Variants in ZNF783 observed in about 807,000 individuals in gnomAD.
ZNF783 encodes zinc finger protein 783.
ZNF783 carries 25 observed loss-of-function variants against 31.3 expected under a neutral mutation model. The ratio of observed to expected loss-of-function variants is 0.80; its 90% confidence interval spans 0.58 to 1.11. ZNF783 has a LOEUF of 1.11. Among genes scored for constraint, ZNF783 ranks in the 50% most tolerant of loss-of-function variants. The pLI, the probability that ZNF783 is intolerant of heterozygous loss-of-function variation, is 0.00. For missense variants in ZNF783, 797 were observed against 760.0 expected, an observed-to-expected ratio of 1.05 and a Z score of -0.57; for synonymous variants, 369 against 319.1, an observed-to-expected ratio of 1.16 and a Z score of -1.66.
Position 149,262,339 on chromosome 7 carries a change from CG to C in ZNF783, c.7del (p.Glu3LysfsTer59). 1 of 1,340,490 alleles carries C rather than the reference CG, an allele frequency of 7.5e-7. No homozygotes were observed. Among genetic ancestry groups the C allele is most frequent in the Non-Finnish European group, 9.6e-7 (1 of 1,041,040 alleles). The allele number at this position is 1,340,490 out of a possible 1,614,324, so 83.0% of individuals were successfully genotyped here. On this transcript the variant is annotated frameshift_variant, in exon 1 of 6. Transcript: ENST00000434415. LOFTEE classifies it high-confidence loss of function. ...AGCGAGGGACGCGGGCAGCCATGGC[CG>C]AAGCGGCGCCTGCCCGGGTAAGCGC... MA[E>X]AAPARDPETD...
In ZNF783 at chr7:149,282,284, G is replaced by GC. The variant is rs779073109; in HGVS notation, c.1587dup (p.Ala530ArgfsTer88). On this transcript the variant is annotated frameshift_variant, in exon 6 of 6. Coordinates refer to ENST00000434415, the MANE Select transcript of ZNF783 (RefSeq NM_001195220.2). LOFTEE classifies it low-confidence loss of function (END_TRUNC). ...CCAGGTGGGCCCACACTTCCCTGCC[G>GC]CCCCCGCCCGCCACGGGAGCCTGCC... 6.4e-7 allele frequency: 1 copy of GC among 1,557,602 alleles called. No homozygotes were observed. Among genetic ancestry groups the GC allele is most frequent in the South Asian group, 1.2e-5 (1 of 86,484 alleles).
chr7:149,266,193 C>T, intron 1 of ZNF783, 142 bp from the exon 2 acceptor site: 1 of 980,598 alleles, frequency 1.0e-6, no homozygotes, highest in East Asian at 2.7e-5. Flanking sequence ...TAGCCTCTCC[C>T]TCTCCCCCCC....
At position 149,283,828 on chromosome 7, in the gene ZNF783, T is replaced by C. The variant is rs1797540533; in HGVS notation, c.*1485T>C. Reference sequence around the variant, plus strand: ...ACTGGGACAAATATGAAGCCTAGCTTTGTGCTTCCTTTCAAATTCAGGGCC... The same window carrying C: ...ACTGGGACAAATATGAAGCCTAGCTCTGTGCTTCCTTTCAAATTCAGGGCC... On this transcript the variant is annotated 3_prime_UTR_variant, in exon 6 of 6. Transcript: ENST00000434415. 6.6e-6 allele frequency: 1 copy of C among 152,236 alleles called. No individual in the cohort carries two copies. The highest frequency in any genetic ancestry group is 2.1e-4 in the South Asian group (1 of 4,836). The allele number at this position is 152,236 out of a possible 1,614,324, so 9.4% of individuals were successfully genotyped here. A position where few individuals can be genotyped will look rare whatever the true frequency, so the allele number is the denominator to read the frequency against.
chr7:149,280,957 C>G (rs1287368899), intron 5 of ZNF783, among the ~76,000 whole-genome samples: 1 of 152,246 alleles, frequency 6.6e-6, no homozygotes. Flanking sequence ...TCCTCTCTGT[C>G]ACCAGTGAGT....
chr7:149,264,589 G>A (rs1315800229), intron 1 of ZNF783, among the ~76,000 whole-genome samples: 4 of 152,246 alleles, frequency 2.6e-5, no homozygotes, highest in Admixed American at 6.5e-5. Flanking sequence ...TTACCAGGCC[G>A]GGAGCAGTGG....
intron 1 of ZNF783, among the ~76,000 whole-genome samples, chr7:149,263,315 TATATATA>T (rs1796988060): frequency 1.4e-5 from 2 of 143,536 alleles, no homozygotes; most frequent in African/African-American, 5.2e-5. Flanking sequence ...TATATATATA[TATATATA>T]TATTTTTTTT....
At chr7:149,279,925 C>G (rs937086315) in intron 5 of ZNF783, among the ~76,000 whole-genome samples, 14 of 152,246 alleles carry the variant, frequency 9.2e-5, no homozygotes, top group African/African-American at 2.6e-4. Flanking sequence ...ACCTTTCCCC[C>G]CTTTCTATTC....
Position 149,262,207 on chromosome 7 carries a change from C to T in ZNF783, c.-127C>T, listed in dbSNP as rs1166850564. ...GGGGCACGTGGCTCGGGACGCAGTT[C>T]GCTGCCGCCCGGCAGTAGCTCTCAG... On this transcript the variant is annotated 5_prime_UTR_variant, in exon 1 of 6. Coordinates refer to ENST00000434415, the MANE Select transcript of ZNF783 (RefSeq NM_001195220.2). 2.3e-6 allele frequency: 2 copies of T among 865,834 alleles called. No individual in the cohort carries two copies. Among genetic ancestry groups the T allele is most frequent in the Non-Finnish European group, 3.1e-6 (2 of 649,126 alleles). The allele number at this position is 865,834 out of a possible 1,614,324, so 53.6% of individuals were successfully genotyped here.
intron 4 of ZNF783, among the ~76,000 whole-genome samples, chr7:149,273,375 A>C (rs186142870): frequency 6.6e-6 from 1 of 152,244 alleles, no homozygotes; most frequent in East Asian, 1.9e-4. Flanking sequence ...CCAACAGTGC[A>C]CGAGGGTTCC....
chr7:149,263,302 GTGTATATA>G (rs763896234), intron 1 of ZNF783, among the ~76,000 whole-genome samples: 3,267 of 62,650 alleles, frequency 0.052, 105 homozygotes, highest in African/African-American at 0.14. Context: ...GTGTGTGTGT[GTGTATATA>G]TATATATATA....
At chr7:149,267,072 T>C in intron 3 of ZNF783, 25 bp from the exon 4 acceptor site, 1 of 1,604,180 alleles carries the variant, frequency 6.2e-7, no homozygotes, top group Non-Finnish European at 8.5e-7. Flanking sequence ...GTCCAGCTCT[T>C]CCTCATTTCT....
At chr7:149,272,830 C>G (rs1797238753) in intron 4 of ZNF783, among the ~76,000 whole-genome samples, 1 of 152,096 alleles carries the variant, frequency 6.6e-6, no homozygotes, top group African/African-American at 2.4e-5. Context: ...CATGCTAGAT[C>G]TTATTCATTC....
chr7:149,279,535 A>G (rs1045489106), intron 5 of ZNF783, among the ~76,000 whole-genome samples: 1 of 151,224 alleles, frequency 6.6e-6, no homozygotes, highest in Non-Finnish European at 1.5e-5. Flanking sequence ...ATGGCTGTGC[A>G]CGCTGCAAGC....
At chr7:149,270,318 CAG>C (rs1344417500) in intron 4 of ZNF783, among the ~76,000 whole-genome samples, 1 of 152,138 alleles carries the variant, frequency 6.6e-6, no homozygotes, top group Non-Finnish European at 1.5e-5. Flanking sequence ...TTCGTAAAGA[CAG>C]AGTTTCACTA....
At position 149,262,444 on chromosome 7, in the gene ZNF783, G is replaced by A. The variant is rs1796948206; in HGVS notation, c.24+87G>A. The A allele has an allele frequency of 3.1e-5, 34 of 1,103,836 alleles. No homozygotes were observed. The South Asian group carries it at 1.2e-3, about 39-fold the overall frequency. 68.4% of individuals were successfully genotyped at this position (1,103,836 alleles called of 1,614,324 possible). ...CGAGGGACTCTGGCCGCGCGAGGCC[G>A]CGGGGTGAGAGGGCCTTGCGCGCAG... On this transcript the variant is annotated intron_variant, in intron 1 of 5. Transcript: ENST00000434415.
At chr7:149,276,381 T>C in intron 4 of ZNF783, 1 of 988,508 alleles carries the variant, frequency 1.0e-6, no homozygotes, top group Non-Finnish European at 1.2e-6. Context: ...CTTCAGAGGA[T>C]GATCCACTGA....
At chr7:149,272,712 C>T (rs1482194629) in intron 4 of ZNF783, among the ~76,000 whole-genome samples, 2 of 152,106 alleles carry the variant, frequency 1.3e-5, no homozygotes, top group Non-Finnish European at 2.9e-5. Context: ...ATTCATACCT[C>T]AAGCATTTAT....
intron 4 of ZNF783, among the ~76,000 whole-genome samples, chr7:149,273,049 T>C (rs959534128): frequency 1.3e-5 from 2 of 152,222 alleles, no homozygotes; most frequent in Non-Finnish European, 2.9e-5. Flanking sequence ...TGTCCTCCAG[T>C]TCCACCCATG....
At position 149,282,186 on chromosome 7, in the gene ZNF783, A is replaced by AGTGCC. The variant is rs1216079090; in HGVS notation, c.1485_1489dup (p.Pro497ArgfsTer70). 2 of 1,600,652 alleles carry AGTGCC rather than the reference A, an allele frequency of 1.2e-6. No individual in the cohort carries two copies. The highest frequency in any genetic ancestry group is 1.7e-6 in the Non-Finnish European group (2 of 1,179,542). On this transcript the variant is annotated frameshift_variant, in exon 6 of 6. Coordinates refer to ENST00000434415, the MANE Select transcript of ZNF783 (RefSeq NM_001195220.2). LOFTEE classifies it low-confidence loss of function (END_TRUNC). The stretch of plus-strand genomic sequence containing the variant: ...ATCCACACCGGTGAGCGGCCCTACC[A>AGTGCC]GTGCCCCCAGTGTGGCCGGACCTTC...
Sources: allele counts gnomAD v4.1 joint callset (sites outside exome capture counted in the v4.1 genomes callset), GRCh38; gene constraint gnomAD v4.1.1; transcripts MANE v1.5; gene names NCBI Gene and HGNC (gene_info 2026-07-23, HGNC 2026-07-21).